Variants in CDH18 observed in about 807,000 individuals in gnomAD.
The protein encoded by CDH18 is cadherin-18.
A neutral mutation model predicts 67.9 loss-of-function variants in CDH18; 31 were observed. That is an observed-to-expected ratio of 0.46 (90% CI 0.34 to 0.62). The LOEUF (loss-of-function observed/expected upper bound fraction) is 0.62. Ranked by LOEUF, CDH18 falls within the 20% of genes least tolerant of loss-of-function variation. The pLI, the probability that CDH18 is intolerant of heterozygous loss-of-function variation, is 0.01. For synonymous variants in CDH18, 362 were observed against 347.2 expected (o/e 1.04, Z -0.48); for missense variants, 890 against 975.5 (o/e 0.91, Z 1.17).
At chr5:19,654,563 C>T (rs941708646) in intron 5 of CDH18, among the ~76,000 whole-genome samples, 6 of 152,064 alleles carry the variant, frequency 3.9e-5, no homozygotes, top group Non-Finnish European at 7.3e-5. Flanking sequence ...TGGGCTCCGG[C>T]CCCATGGTAG....
chr5:19,696,973 C>T (rs1330697679), intron 5 of CDH18, among the ~76,000 whole-genome samples: 1 of 152,044 alleles, frequency 6.6e-6, no homozygotes, highest in Non-Finnish European at 1.5e-5. Flanking sequence ...TTCCATTAAC[C>T]AAACAATACT....
At chr5:19,875,419 G>GATAGATAGATAGATCGATCGATCT (rs1786842181) in intron 2 of CDH18, among the ~76,000 whole-genome samples, 1 of 95,396 alleles carries the variant, frequency 1.0e-5, no homozygotes, top group South Asian at 3.8e-4. Context: ...TAGATAGATA[G>GATAGATAGATAGATCGATCGATCT]ATAGATAGAT....
chr5:19,638,648 TC>T (rs1184784457), intron 5 of CDH18, among the ~76,000 whole-genome samples: 3 of 149,722 alleles, frequency 2.0e-5, no homozygotes, highest in Admixed American at 6.7e-5. Flanking sequence ...GTTCCTGCCT[TC>T]CCCCCCCGCG....
chr5:19,920,484 C>T (rs965901070), intron 2 of CDH18, among the ~76,000 whole-genome samples: 1 of 148,730 alleles, frequency 6.7e-6, no homozygotes, highest in Non-Finnish European at 1.5e-5. Flanking sequence ...TTAAATGACA[C>T]AGATTAGACA....
chr5:20,218,865 G>A (rs1740992285), intron 2 of CDH18, among the ~76,000 whole-genome samples: 1 of 135,784 alleles, frequency 7.4e-6, no homozygotes, highest in African/African-American at 2.6e-5. Flanking sequence ...CATGAAAATG[G>A]ACTAATACAG....
intron 5 of CDH18, among the ~76,000 whole-genome samples, chr5:19,717,352 T>TA (rs1765458983): frequency 1.3e-5 from 2 of 152,116 alleles, no homozygotes; most frequent in African/African-American, 4.8e-5. Context: ...TAATGAGCAT[T>TA]AAGAGATTTT....
At chr5:20,497,879 G>A (rs371492766) in intron 1 of CDH18, among the ~76,000 whole-genome samples, 82 of 152,152 alleles carry the variant, frequency 5.4e-4, no homozygotes, top group African/African-American at 1.7e-3. Flanking sequence ...GATGCTATTC[G>A]GAGGTGAGGA....
intron 1 of CDH18, among the ~76,000 whole-genome samples, chr5:20,459,033 CACAAA>C (rs58829184): frequency 0.3 from 45,707 of 151,716 alleles, 7,233 homozygotes; most frequent in East Asian, 0.39. Flanking sequence ...TGAAATGATA[CACAAA>C]ACAAAATACT....
At chr5:20,115,524 G>A (rs535129783) in intron 2 of CDH18, among the ~76,000 whole-genome samples, 45 of 151,760 alleles carry the variant, frequency 3.0e-4, no homozygotes, top group Admixed American at 6.6e-4. Context: ...TGATCCACCC[G>A]CCTCAGCCTC....
chr5:20,079,278 C>A, intron 2 of CDH18, among the ~76,000 whole-genome samples: 1 of 152,114 alleles, frequency 6.6e-6, no homozygotes, highest in East Asian at 1.9e-4. Context: ...ATGAGTTTGA[C>A]GTCTTTAGAT....
At chr5:20,033,749 T>G (rs1408606964) in intron 2 of CDH18, among the ~76,000 whole-genome samples, 1 of 152,186 alleles carries the variant, frequency 6.6e-6, no homozygotes, top group Non-Finnish European at 1.5e-5. Context: ...ATATAAAAAC[T>G]AATCTAGTCC....
upstream of CDH18, among the ~76,000 whole-genome samples, chr5:19,989,995 C>A (rs184008131): frequency 2.0e-5 from 3 of 152,094 alleles, no homozygotes; most frequent in African/African-American, 4.8e-5. Flanking sequence ...TATTATATTG[C>A]GCATTATATA....
chr5:19,792,583 T>C (rs970464457), intron 3 of CDH18, among the ~76,000 whole-genome samples: 3 of 152,180 alleles, frequency 2.0e-5, no homozygotes, highest in Admixed American at 6.5e-5. Flanking sequence ...ATCTATCTGT[T>C]GATCCATATA....
At chr5:19,655,174 CAATA>C (rs1273198347) in intron 5 of CDH18, among the ~76,000 whole-genome samples, 1 of 152,002 alleles carries the variant, frequency 6.6e-6, no homozygotes, top group Non-Finnish European at 1.5e-5. Context: ...GTCTAGATTT[CAATA>C]TATATTGATA....
At chr5:19,668,790 C>T (rs1284437652) in intron 5 of CDH18, among the ~76,000 whole-genome samples, 2 of 152,160 alleles carry the variant, frequency 1.3e-5, no homozygotes, top group East Asian at 1.9e-4. Context: ...AGCCATGAAA[C>T]ATTCATACTA....
At chr5:20,004,840 C>G (rs767598410) in intron 2 of CDH18, among the ~76,000 whole-genome samples, 2 of 152,058 alleles carry the variant, frequency 1.3e-5, no homozygotes, top group Non-Finnish European at 1.5e-5. Flanking sequence ...TCAAATTCCA[C>G]TATCTATCTA....
rs184785895 is a variant in CDH18, at chr5:20,233,370, A to G, written c.-518+22074T>C. Among the ~76,000 whole-genome samples, 321 of 149,300 alleles carry G rather than the reference A, an allele frequency of 2.2e-3. 1 individual carries two copies. Among genetic ancestry groups the G allele is most frequent in the African/African-American group, 7.5e-3 (303 of 40,298 alleles). Reference sequence around the variant, plus strand: ...AATTTTTCATTATTTTTTCAGTAAGAATATCATACCAAAAGAGTTTGAAAT... The same window carrying G: ...AATTTTTCATTATTTTTTCAGTAAGGATATCATACCAAAAGAGTTTGAAAT... On this transcript the variant is annotated intron_variant, in intron 2 of 14. Coordinates refer to the CDH18 transcript ENST00000507958.
intron 1 of CDH18, among the ~76,000 whole-genome samples, chr5:20,319,941 T>C (rs1038423789): frequency 2.6e-5 from 4 of 152,176 alleles, no homozygotes; most frequent in Non-Finnish European, 5.9e-5. Context: ...ACCTGATAAA[T>C]ACCTAACAAA....
At chr5:19,645,868 T>TA (rs1754658998) in intron 5 of CDH18, among the ~76,000 whole-genome samples, 1 of 152,118 alleles carries the variant, frequency 6.6e-6, no homozygotes, top group Non-Finnish European at 1.5e-5. Flanking sequence ...ATTTACTTTA[T>TA]AAAAAGGAAG....
Sources: allele counts gnomAD v4.1 joint callset (sites outside exome capture counted in the v4.1 genomes callset), GRCh38; gene constraint gnomAD v4.1.1; transcripts MANE v1.5; gene names NCBI Gene and HGNC (gene_info 2026-07-23, HGNC 2026-07-21).